Variants in ARHGEF26 observed in about 807,000 individuals in gnomAD.
The protein encoded by ARHGEF26 is Rho guanine nucleotide exchange factor (GEF) 26.
In ARHGEF26, 59 loss-of-function variants were observed where a neutral mutation model predicts 89.4. The observed-to-expected ratio is 0.66, with a 90% CI of 0.54 to 0.82. ARHGEF26 has a LOEUF of 0.82. Ranked by LOEUF, ARHGEF26 falls within the 40% of genes least tolerant of loss-of-function variation. ARHGEF26 has a pLI of 0.00. For missense variants in ARHGEF26, 1,234 were observed against 1,085.6 expected (o/e 1.14, Z -1.92); for synonymous variants, 500 against 428.4 (o/e 1.17, Z -2.06).
chr3:154,198,023 C>T (rs1365199307), intron 9 of ARHGEF26, among the ~76,000 whole-genome samples: 1 of 152,090 alleles, frequency 6.6e-6, no homozygotes, highest in Non-Finnish European at 1.5e-5. Context: ...GAGCCTTTCT[C>T]CCAGAGGCAA....
chr3:154,156,176 T>C (rs1720328650), intron 6 of ARHGEF26, among the ~76,000 whole-genome samples: 1 of 152,028 alleles, frequency 6.6e-6, no homozygotes, highest in South Asian at 2.1e-4. Context: ...GTAAGAAATA[T>C]GAGCCCAGAA....
intron 9 of ARHGEF26, among the ~76,000 whole-genome samples, chr3:154,204,273 A>G (rs1337026501): frequency 1.0e-5 from 1 of 97,626 alleles, no homozygotes; most frequent in Non-Finnish European, 2.4e-5. Flanking sequence ...TTTCTTTATT[A>G]TTTGTTTTCT....
intron 11 of ARHGEF26, among the ~76,000 whole-genome samples, chr3:154,227,087 A>G (rs1315527962): frequency 2.6e-5 from 4 of 152,164 alleles, no homozygotes; most frequent in African/African-American, 9.7e-5. Flanking sequence ...AGACCATATT[A>G]TGAATTATTT....
intron 9 of ARHGEF26, among the ~76,000 whole-genome samples, chr3:154,195,954 T>C (rs972372554): frequency 6.6e-6 from 1 of 152,024 alleles, no homozygotes; most frequent in African/African-American, 2.4e-5. Flanking sequence ...AAGTAAAACA[T>C]ACCAGGGAAG....
rs763801051 is a variant in ARHGEF26 at position 154,129,756 on chromosome 3, A to G, written c.1269+37A>G. ...TCTTCTTTTCTATCTGTGGTAGGAA[A>G]AAAACAAGTTTTGGAAATTATGTGT... On this transcript the variant is annotated intron_variant, in intron 4 of 14. Coordinates refer to ENST00000465093, the MANE Select transcript of ARHGEF26 (RefSeq NM_015595.4). 9 of 1,571,796 alleles carry G rather than the reference A, an allele frequency of 5.7e-6. No individual in the cohort carries two copies. In the African/African-American group the frequency reaches 9.5e-5, roughly 17 times the overall value.
intron 4 of ARHGEF26, among the ~76,000 whole-genome samples, chr3:154,143,410 C>G (rs1399701347): frequency 6.6e-6 from 1 of 151,970 alleles, no homozygotes; most frequent in Non-Finnish European, 1.5e-5. Context: ...GAATGACCTT[C>G]TATGTCATTA....
intron 8 of ARHGEF26, among the ~76,000 whole-genome samples, chr3:154,192,525 C>T (rs1286720313): frequency 2.0e-5 from 3 of 152,200 alleles, no homozygotes; most frequent in African/African-American, 7.2e-5. Flanking sequence ...CCTTCTCCAC[C>T]CATCACCTGT....
At chr3:154,213,139 T>C (rs1037362582) in intron 9 of ARHGEF26, among the ~76,000 whole-genome samples, 1 of 152,116 alleles carries the variant, frequency 6.6e-6, no homozygotes, top group Non-Finnish European at 1.5e-5. Context: ...TCTATTAATC[T>C]TTGTTAATTT....
intron 6 of ARHGEF26, among the ~76,000 whole-genome samples, chr3:154,174,572 A>T (rs1712680864): frequency 6.6e-6 from 1 of 152,212 alleles, no homozygotes; most frequent in African/African-American, 2.4e-5. Context: ...ACTAATATGT[A>T]ATTTGAGGCA....
intron 4 of ARHGEF26, among the ~76,000 whole-genome samples, chr3:154,143,669 C>A (rs1719520749): frequency 6.6e-6 from 1 of 152,108 alleles, no homozygotes; most frequent in South Asian, 2.1e-4. Flanking sequence ...TTAACTTTAC[C>A]ACCATTCCCA....
chr3:154,210,105 G>C lies in ARHGEF26; in HGVS notation c.1846-7764G>C, dbSNP rs547579388. Among the ~76,000 whole-genome samples the C allele has an allele frequency of 3.9e-5, 6 of 152,254 alleles. No homozygotes were observed. In the East Asian group the frequency reaches 1.2e-3, roughly 30 times the overall value. The stretch of plus-strand genomic sequence containing the variant: ...TCCAAGGGTTCTTAAGTCAGCTTGT[G>C]GTGAATGCTGCCTGGCCTGGGACTC... On this transcript the variant is annotated intron_variant, in intron 9 of 14. Coordinates refer to ENST00000465093, the MANE Select transcript of ARHGEF26 (RefSeq NM_015595.4).
At chr3:154,190,310 G>A (rs941041263) in intron 7 of ARHGEF26, among the ~76,000 whole-genome samples, 4 of 152,118 alleles carry the variant, frequency 2.6e-5, no homozygotes, top group Non-Finnish European at 5.9e-5. Flanking sequence ...CCAGGAGTTC[G>A]AGACTACCCT....
chr3:154,122,643 C>T lies in ARHGEF26; in HGVS notation c.651C>T (p.Leu217=). The T allele has an allele frequency of 6.2e-7, 1 of 1,613,918 alleles. No individual in the cohort carries two copies. The highest frequency in any genetic ancestry group is 8.5e-7 in the Non-Finnish European group (1 of 1,179,894). ...GTTCTTCGGAACAAAAACTCCCCCT[C>T]CAAAGGCTGCCCTCCCAGGAGAACG... ...QKSSSEQKLP[L]QRLPSQENEL... The change falls in exon 2 of 15, where the codon CTC becomes CTT. Residue 217 remains leucine, a synonymous_variant. Transcript: ENST00000465093.
At chr3:154,183,660 A>C (rs781407903) in intron 6 of ARHGEF26, among the ~76,000 whole-genome samples, 1 of 152,236 alleles carries the variant, frequency 6.6e-6, no homozygotes, top group Non-Finnish European at 1.5e-5. Flanking sequence ...AGAAAGCTTT[A>C]AATTATGTCT....
intron 10 of ARHGEF26, among the ~76,000 whole-genome samples, chr3:154,218,370 A>C (rs761324903): frequency 1.1e-4 from 16 of 152,226 alleles, no homozygotes; most frequent in Non-Finnish European, 2.1e-4. Flanking sequence ...TTTCTCGTTT[A>C]CAAAACAGAT....
At chr3:154,224,401 A>G (rs952127580) in intron 10 of ARHGEF26, among the ~76,000 whole-genome samples, 1 of 152,216 alleles carries the variant, frequency 6.6e-6, no homozygotes, top group Admixed American at 6.5e-5. Flanking sequence ...ATCTGCTTTA[A>G]AAACAATAAA....
chr3:154,255,925 CTTTT>C lies in ARHGEF26; in HGVS notation c.*458_*461del, dbSNP rs373595788. 20 of 981,974 alleles carry C rather than the reference CTTTT, an allele frequency of 2.0e-5. No individual in the cohort carries two copies. The highest frequency in any genetic ancestry group is 4.7e-5 in the South Asian group (1 of 21,150). The allele number at this position is 981,974 out of a possible 1,614,324, so 60.8% of individuals were successfully genotyped here. A position where few individuals can be genotyped will look rare whatever the true frequency, so the allele number is the denominator to read the frequency against. ...TCCAGTTTTGTAAATATTTCCCTGC[CTTTT>C]TTTTTCTTTTTTTACATCTGATTTT... On this transcript the variant is annotated 3_prime_UTR_variant, in exon 15 of 15. Coordinates refer to ENST00000465093, the MANE Select transcript of ARHGEF26 (RefSeq NM_015595.4).
rs923503048 is a variant in ARHGEF26 at position 154,256,523 on chromosome 3, G to A, written c.*1050G>A. 12 of 946,694 alleles carry A rather than the reference G, an allele frequency of 1.3e-5. No homozygotes were observed. Among genetic ancestry groups the A allele is most frequent in the Admixed American group, 7.8e-5 (1 of 12,824 alleles). 58.6% of individuals were successfully genotyped at this position (946,694 alleles called of 1,614,324 possible). A position where few individuals can be genotyped will look rare whatever the true frequency, so the allele number is the denominator to read the frequency against. ...GCTGGGATTATAGGCATGAGCCACC[G>A]TGCCCAGCCTACTTTCTAATTAATT... On this transcript the variant is annotated 3_prime_UTR_variant, in exon 15 of 15. Transcript: ENST00000465093.
At chr3:154,195,206 C>T (rs1306963636) in intron 9 of ARHGEF26, among the ~76,000 whole-genome samples, 1 of 152,110 alleles carries the variant, frequency 6.6e-6, no homozygotes, top group Non-Finnish European at 1.5e-5. Context: ...GCTGTGAGCC[C>T]AGGATTGGGG....
Sources: allele counts gnomAD v4.1 joint callset (sites outside exome capture counted in the v4.1 genomes callset), GRCh38; gene constraint gnomAD v4.1.1; transcripts MANE v1.5; gene names NCBI Gene and HGNC (gene_info 2026-07-23, HGNC 2026-07-21).